ETV6: variants seen among roughly 807,000 people sequenced by gnomAD.
ETV6 encodes the protein transcription factor ETV6.
ETV6 carries 16 observed loss-of-function variants against 51.1 expected under a neutral mutation model. The ratio of observed to expected loss-of-function variants is 0.31; its 90% CI spans 0.21 to 0.48. The LOEUF is 0.48. Ranked by LOEUF, ETV6 falls within the 20% of genes least tolerant of loss-of-function variation. The pLI is 0.99. For missense variants in ETV6, 458 were observed against 594.8 expected (o/e 0.77, Z 2.39); for synonymous variants, 240 against 224.1 (o/e 1.07, Z -0.64).
At chr12:11,712,177 G>A (rs559860369) in intron 1 of ETV6, among the ~76,000 whole-genome samples, 1 of 152,168 alleles carries the variant, frequency 6.6e-6, no homozygotes. Flanking sequence ...CAAAAAGACA[G>A]TCATCTCATC....
intron 4 of ETV6, among the ~76,000 whole-genome samples, chr12:11,854,347 C>T (rs1946600900): frequency 6.6e-6 from 1 of 152,168 alleles, no homozygotes; most frequent in African/African-American, 2.4e-5. Flanking sequence ...TCCTGCTGTG[C>T]AGCCCAGTTC....
intron 4 of ETV6, among the ~76,000 whole-genome samples, chr12:11,863,947 C>T (rs776718369): frequency 6.6e-5 from 10 of 152,206 alleles, no homozygotes; most frequent in African/African-American, 9.7e-5. Context: ...TAAATACCCT[C>T]GGATCCAGTT....
intron 2 of ETV6, among the ~76,000 whole-genome samples, chr12:11,795,369 C>T (rs1945660800): frequency 1.3e-5 from 2 of 152,218 alleles, no homozygotes; most frequent in African/African-American, 4.8e-5. Flanking sequence ...CCTCTGATTC[C>T]CTATCCTTGG....
At position 11,892,092 on chromosome 12, in the gene ETV6, A is replaced by G. The variant is rs1371643823; in HGVS notation, c.*1046A>G. 2.1e-5 allele frequency: 5 copies of G among 233,222 alleles called. No individual in the cohort carries two copies. The highest frequency in any genetic ancestry group is 1.1e-4 in the African/African-American group (5 of 45,296). 14.4% of individuals were successfully genotyped at this position (233,222 alleles called of 1,614,324 possible). Reference sequence around the variant, plus strand: ...CCAGCAGTCCAGAAACTGGGCAAAAATATTCTGCAGTGGGGATTTATTTTT... The same window carrying G: ...CCAGCAGTCCAGAAACTGGGCAAAAGTATTCTGCAGTGGGGATTTATTTTT... On this transcript the variant is annotated 3_prime_UTR_variant, in exon 8 of 8. Transcript: ENST00000396373.
chr12:11,683,887 T>C (rs1864579525), intron 1 of ETV6, among the ~76,000 whole-genome samples: 1 of 151,782 alleles, frequency 6.6e-6, no homozygotes, highest in Non-Finnish European at 1.5e-5. Context: ...TCCCAAACTT[T>C]TCTGTTTAGC....
chr12:11,777,728 A>G (rs1029842578), intron 2 of ETV6, among the ~76,000 whole-genome samples: 1 of 151,828 alleles, frequency 6.6e-6, no homozygotes, highest in East Asian at 1.9e-4. Context: ...ACACTTCTTC[A>G]TTCCAAACCC....
intron 1 of ETV6, among the ~76,000 whole-genome samples, chr12:11,710,377 T>G (rs1250153653): frequency 6.6e-6 from 1 of 152,134 alleles, no homozygotes; most frequent in Admixed American, 6.5e-5. Context: ...CAGATGTCAG[T>G]CTGTATTTAT....
At chr12:11,827,153 AGTTT>A (rs769668818) in intron 2 of ETV6, among the ~76,000 whole-genome samples, 1 of 150,952 alleles carries the variant, frequency 6.6e-6, no homozygotes, top group Non-Finnish European at 1.5e-5. Context: ...TGCTTCTCCA[AGTTT>A]GTTTTTTTTT....
At position 11,853,549 on chromosome 12, in the gene ETV6, A is replaced by C; in HGVS notation, c.451A>C (p.Asn151His). 1 of 1,614,276 alleles carries C rather than the reference A, an allele frequency of 6.2e-7. No homozygotes were observed. The highest frequency in any genetic ancestry group is 8.5e-7 in the Non-Finnish European group (1 of 1,180,054). ...ACAGCCGGAGGTCATACTGCATCAG[A>C]ACCATGAAGAAGGTACTGGAAGAGG... is the stretch of plus-strand genomic sequence containing the variant. The part of the protein sequence containing the change: ...HTQPEVILHQ[N>H]HEEDNCVQRT... Residue 151 changes from asparagine to histidine, a missense_variant, in exon 4 of 8, where the codon AAC becomes CAC. Physicochemically the swap from Asn to His is moderately conservative, Grantham distance 68. This residue lies in a region of ETV6 where 293 missense variants were observed against 315.7 expected (regional missense o/e 0.93). Transcript: ENST00000396373.
chr12:11,792,199 T>C (rs924620157), intron 2 of ETV6, among the ~76,000 whole-genome samples: 2 of 152,206 alleles, frequency 1.3e-5, no homozygotes, highest in South Asian at 4.1e-4. Flanking sequence ...CCCCTTTCTT[T>C]ATGATGTTTT....
At chr12:11,852,980 A>T (rs569310498) in intron 3 of ETV6, among the ~76,000 whole-genome samples, 1 of 152,262 alleles carries the variant, frequency 6.6e-6, no homozygotes, top group African/African-American at 2.4e-5. Context: ...TGAGCTCAGG[A>T]GTTTGAGACC....
intron 1 of ETV6, among the ~76,000 whole-genome samples, chr12:11,671,939 GA>G (rs11358074): frequency 0.8 from 117,178 of 146,224 alleles, 47,497 homozygotes; most frequent in Non-Finnish European, 0.87. Flanking sequence ...TAGGTCATGT[GA>G]AAAAAAAAAA....
chr12:11,775,247 G>A (rs1385386193), intron 2 of ETV6, among the ~76,000 whole-genome samples: 2 of 152,182 alleles, frequency 1.3e-5, no homozygotes, highest in African/African-American at 2.4e-5. Context: ...ACTGGATGGC[G>A]GCAGCAGAAC....
In ETV6 at chr12:11,798,599, G is replaced by A. The variant is rs901887580; in HGVS notation, c.164-40541G>A. 5.9e-5 allele frequency among the ~76,000 whole-genome samples: 9 copies of A among 152,142 alleles called. No homozygotes were observed. In the South Asian group the frequency reaches 6.2e-4, roughly 11 times the overall value. On this transcript the variant is annotated intron_variant, in intron 2 of 7. Coordinates refer to ENST00000396373, the MANE Select transcript of ETV6 (RefSeq NM_001987.5). The stretch of plus-strand genomic sequence containing the variant: ...ATTCTGTAATGAGGAAATAAGTTAC[G>A]TTAGGGCACATATATAAAGAAACAG...
intron 4 of ETV6, among the ~76,000 whole-genome samples, chr12:11,867,141 GT>G: frequency 6.6e-6 from 1 of 152,134 alleles, no homozygotes; most frequent in Non-Finnish European, 1.5e-5. Flanking sequence ...CCTTCAAATA[GT>G]TTTTTCAATG....
chr12:11,840,025 G>A (rs929428661), intron 3 of ETV6, among the ~76,000 whole-genome samples: 2 of 152,280 alleles, frequency 1.3e-5, no homozygotes, highest in South Asian at 2.1e-4. Context: ...AGAACTGGGG[G>A]AACTGCAGAT....
At chr12:11,667,542 T>TTTC (rs1864217620) in intron 1 of ETV6, among the ~76,000 whole-genome samples, 3 of 151,806 alleles carry the variant, frequency 2.0e-5, no homozygotes, top group Admixed American at 6.6e-5. Context: ...ATTTTCTTTT[T>TTTC]TTTTTTTTTA....
chr12:11,790,747 G>A (rs1293657109), intron 2 of ETV6, among the ~76,000 whole-genome samples: 5 of 142,374 alleles, frequency 3.5e-5, no homozygotes, highest in African/African-American at 5.3e-5. Context: ...ACATAATCTT[G>A]GCTCACTGCA....
At chr12:11,673,142 G>T (rs1299608411) in intron 1 of ETV6, among the ~76,000 whole-genome samples, 1 of 152,194 alleles carries the variant, frequency 6.6e-6, no homozygotes, top group African/African-American at 2.4e-5. Context: ...GCCATTTGTG[G>T]CTCTGAGGGT....
Sources: allele counts gnomAD v4.1 joint callset (sites outside exome capture counted in the v4.1 genomes callset), GRCh38; gene constraint gnomAD v4.1.1; regional missense constraint gnomAD v4.1.1; transcripts MANE v1.5; gene names NCBI Gene and HGNC (gene_info 2026-07-23, HGNC 2026-07-21).